The following VPS13B variants were observed in gnomAD, a reference collection of about 807,000 sequenced individuals.
The protein encoded by VPS13B is vacuolar protein sorting 13 homolog B.
A neutral mutation model predicts 426.4 loss-of-function variants in VPS13B; 285 were observed. That is an observed-to-expected ratio of 0.67 (90% CI 0.61 to 0.74). The LOEUF is 0.74. VPS13B is among the 30% of genes least tolerant of loss of function. VPS13B has a pLI of 0.00. For synonymous variants in VPS13B, 1,676 were observed against 1,676.4 expected (o/e 1.00, Z 0.01); for missense variants, 4,537 against 4,782.6 (o/e 0.95, Z 1.51).
chr8:99,444,947 C>G (rs1817841327), intron 23 of VPS13B, among the ~76,000 whole-genome samples: 1 of 152,050 alleles, frequency 6.6e-6, no homozygotes, highest in African/African-American at 2.4e-5. Context: ...CCCTGCCCAA[C>G]CTAATATTTT....
At chr8:99,594,067 G>A (rs916599344) in intron 33 of VPS13B, among the ~76,000 whole-genome samples, 2 of 151,838 alleles carry the variant, frequency 1.3e-5, no homozygotes, top group African/African-American at 2.4e-5. Context: ...ATGTACCACT[G>A]AACTTAAACG....
intron 3 of VPS13B, among the ~76,000 whole-genome samples, chr8:99,078,814 G>T (rs1295822678): frequency 2.6e-5 from 4 of 152,106 alleles, no homozygotes; most frequent in Non-Finnish European, 5.9e-5. Flanking sequence ...CCGGTCCCCA[G>T]TCCCCTAGGT....
chr8:99,680,930 A>G (rs538046828), intron 35 of VPS13B, among the ~76,000 whole-genome samples: 3 of 152,212 alleles, frequency 2.0e-5, no homozygotes, highest in Non-Finnish European at 4.4e-5. Context: ...TCAGATTAAT[A>G]TTTTTATCAA....
rs1810641675 is a variant in VPS13B, at chr8:99,333,243, C to A, written c.2825-50965C>A. ...CATGTAAAATTAATGCCCAGGAAAT[C>A]TGTTTTTGGAGAAAGATGTGCATGA... On this transcript the variant is annotated intron_variant, in intron 19 of 61. Coordinates refer to ENST00000357162, the MANE Select transcript of VPS13B (RefSeq NM_152564.5). 1.3e-5 allele frequency among the ~76,000 whole-genome samples: 2 copies of A among 151,616 alleles called. 1 individual carries two copies. Among genetic ancestry groups the A allele is most frequent in the Non-Finnish European group, 3.0e-5 (2 of 67,704 alleles).
chr8:99,082,775 T>C (rs1845554049), intron 3 of VPS13B, among the ~76,000 whole-genome samples: 1 of 152,178 alleles, frequency 6.6e-6, no homozygotes, highest in Non-Finnish European at 1.5e-5. Flanking sequence ...TGATTGTAGA[T>C]ATGTGGCATT....
intron 17 of VPS13B, among the ~76,000 whole-genome samples, chr8:99,205,595 T>C (rs75181696): frequency 6.6e-6 from 1 of 152,334 alleles, no homozygotes; most frequent in African/African-American, 2.4e-5. Flanking sequence ...AGCTGTATAA[T>C]GTAAGGACTG....
chr8:99,482,153 T>C (rs1033649321), intron 25 of VPS13B, among the ~76,000 whole-genome samples: 1 of 152,158 alleles, frequency 6.6e-6, no homozygotes, highest in Admixed American at 6.5e-5. Flanking sequence ...TACACCTTTT[T>C]TGAACCAGGT....
intron 58 of VPS13B, among the ~76,000 whole-genome samples, chr8:99,864,575 AT>A (rs1163988167): frequency 6.6e-6 from 1 of 152,184 alleles, no homozygotes; most frequent in Admixed American, 6.6e-5. Context: ...AGTAATAATA[AT>A]AGTTTTAAAC....
intron 3 of VPS13B, among the ~76,000 whole-genome samples, chr8:99,058,749 T>C (rs1844022577): frequency 1.3e-5 from 2 of 152,186 alleles, no homozygotes; most frequent in South Asian, 4.1e-4. Context: ...TGGAACTAAG[T>C]CATTGTCTGT....
Position 99,832,427 on chromosome 8 carries a change from C to A in VPS13B, c.9389C>A (p.Ala3130Asp). The A allele has an allele frequency of 6.4e-7, 1 of 1,573,448 alleles. No homozygotes were observed. Among genetic ancestry groups the A allele is most frequent in the Non-Finnish European group, 8.6e-7 (1 of 1,160,096 alleles). ...ATTTGCCCAGGTGGAGAGCAGCCTGCTATGAAATCCAGCTCCCTTCCTTGC... is the reference window on the plus strand; with the variant it reads ...ATTTGCCCAGGTGGAGAGCAGCCTGATATGAAATCCAGCTCCCTTCCTTGC... ...FSICPGGEQP[A>D]MKSSSLPCWD... The change falls in exon 52 of 62, where the codon GCT becomes GAT. Residue 3130 changes from alanine (A) to aspartate (D), a missense_variant. By Grantham distance (126) the Ala-to-Asp change is moderately radical. Transcript: ENST00000357162.
chr8:99,479,004 A>G (rs1384114922), intron 24 of VPS13B, among the ~76,000 whole-genome samples: 1 of 152,044 alleles, frequency 6.6e-6, no homozygotes, highest in Non-Finnish European at 1.5e-5. Context: ...TTCTGTTGAC[A>G]TTGTATATCC....
At chr8:99,184,722 G>T (rs1376055994) in intron 16 of VPS13B, among the ~76,000 whole-genome samples, 2 of 152,188 alleles carry the variant, frequency 1.3e-5, no homozygotes, top group Non-Finnish European at 2.9e-5. Context: ...CAGGCATGGT[G>T]GCTCACACCT....
At chr8:99,156,091 G>A (rs1185774126) in intron 14 of VPS13B, among the ~76,000 whole-genome samples, 1 of 152,126 alleles carries the variant, frequency 6.6e-6, no homozygotes, top group African/African-American at 2.4e-5. Context: ...TTTCTTACCT[G>A]CAAACATTGC....
chr8:99,628,190 A>G (rs1469735742), intron 33 of VPS13B, among the ~76,000 whole-genome samples: 2 of 152,220 alleles, frequency 1.3e-5, no homozygotes, highest in Non-Finnish European at 2.9e-5. Context: ...GAAACTGTGG[A>G]ACTCAGCCAG....
chr8:99,685,004 T>C (rs1355205507), intron 35 of VPS13B, among the ~76,000 whole-genome samples: 2 of 152,202 alleles, frequency 1.3e-5, no homozygotes, highest in Non-Finnish European at 2.9e-5. Flanking sequence ...GGTTTCCCCA[T>C]CTTGGCCAGG....
rs558084856 is a variant in VPS13B, at chr8:99,088,542, G to A, written c.292-7770G>A. Reference sequence around the variant, plus strand: ...CAGAGTTATGAGTTTTGTTTTAGACGTGTTCAATTTGAGGTGCTCACATAA... The same window carrying A: ...CAGAGTTATGAGTTTTGTTTTAGACATGTTCAATTTGAGGTGCTCACATAA... On this transcript the variant is annotated intron_variant, in intron 3 of 61. Transcript: ENST00000357162. 6.6e-5 allele frequency among the ~76,000 whole-genome samples: 10 copies of A among 152,266 alleles called. No homozygotes were observed. In the East Asian group the frequency reaches 1.9e-3, roughly 29 times the overall value.
At chr8:99,027,596 T>C (rs1296024853) in intron 2 of VPS13B, among the ~76,000 whole-genome samples, 1 of 152,116 alleles carries the variant, frequency 6.6e-6, no homozygotes, top group Non-Finnish European at 1.5e-5. Flanking sequence ...TTTTCCTTCA[T>C]TTCTGAAGGG....
intron 39 of VPS13B, among the ~76,000 whole-genome samples, chr8:99,743,887 G>C (rs1809906667): frequency 6.6e-6 from 1 of 152,104 alleles, no homozygotes; most frequent in African/African-American, 2.4e-5. Flanking sequence ...AGAAAACCTA[G>C]GCAATACCAT....
chr8:99,744,779 A>T (rs1257161845), intron 39 of VPS13B, among the ~76,000 whole-genome samples: 1 of 147,576 alleles, frequency 6.8e-6, no homozygotes, highest in African/African-American at 2.5e-5. Flanking sequence ...ATGAGAATAC[A>T]TGGACACAGG....
Sources: allele counts gnomAD v4.1 joint callset (sites outside exome capture counted in the v4.1 genomes callset), GRCh38; gene constraint gnomAD v4.1.1; transcripts MANE v1.5; gene names NCBI Gene and HGNC (gene_info 2026-07-23, HGNC 2026-07-21).